CHST15: variants seen among roughly 807,000 people sequenced by gnomAD.
CHST15 encodes the protein B cell RAG associated protein (GALNAC4S-6ST).
A neutral mutation model predicts 53.6 loss-of-function variants in CHST15; 30 were observed. That is an observed-to-expected ratio of 0.56 (90% CI 0.42 to 0.76). The LOEUF (loss-of-function observed/expected upper bound fraction) is 0.76. CHST15 is among the 30% of genes least tolerant of loss of function. CHST15 has a pLI of 0.00. For missense variants in CHST15, 627 were observed against 740.5 expected, an observed-to-expected ratio of 0.85 and a Z score of 1.78; for synonymous variants, 296 against 289.8, an observed-to-expected ratio of 1.02 and a Z score of -0.22.
At chr10:124,030,083 A>C (rs910556771) in intron 5 of CHST15, among the ~76,000 whole-genome samples, 1 of 152,200 alleles carries the variant, frequency 6.6e-6, no homozygotes, top group Non-Finnish European at 1.5e-5. Context: ...AGTGTTCAGC[A>C]CTTGGGAGTT....
intron 1 of CHST15, among the ~76,000 whole-genome samples, chr10:124,083,504 C>T (rs1244745134): frequency 4.0e-5 from 6 of 151,850 alleles, no homozygotes; most frequent in South Asian, 2.1e-4. Context: ...TTTTCTTTTC[C>T]TTTTTTTTGC....
At chr10:124,075,306 T>G (rs372369025) in intron 1 of CHST15, among the ~76,000 whole-genome samples, 136 of 152,308 alleles carry the variant, frequency 8.9e-4, no homozygotes, top group African/African-American at 3.1e-3. Context: ...TGAGGCTCCA[T>G]GGGAGTAGCT....
intron 6 of CHST15, among the ~76,000 whole-genome samples, chr10:124,016,050 G>A (rs1946575512): frequency 6.6e-6 from 1 of 152,194 alleles, no homozygotes; most frequent in Non-Finnish European, 1.5e-5. Context: ...TTGCATTTCT[G>A]ACAAGTTCCC....
At chr10:124,061,362 G>A (rs1212932945) in intron 1 of CHST15, among the ~76,000 whole-genome samples, 1 of 152,208 alleles carries the variant, frequency 6.6e-6, no homozygotes, top group Non-Finnish European at 1.5e-5. Context: ...TTTATCGGGG[G>A]TTTCCGCTTT....
chr10:124,019,996 C>T lies in CHST15; in HGVS notation c.1347+1260G>A. The T allele has an allele frequency of 1.0e-6, 1 of 985,638 alleles. No homozygotes were observed. Among genetic ancestry groups the T allele is most frequent in the Non-Finnish European group, 1.2e-6 (1 of 830,086 alleles). 61.1% of individuals were successfully genotyped at this position (985,638 alleles called of 1,614,324 possible). ...GCACAGACATTCCCTCTCCTAAGAA[C>T]CTGCCTGAAGCCCCGTTCTCAGGTG... is the stretch of plus-strand genomic sequence containing the variant. On this transcript the variant is annotated intron_variant, in intron 6 of 7. Transcript: ENST00000435907. This position sits in a 1 kb window ranked among gnomAD's most constrained non-coding sequence, Gnocchi z 4.6.
chr10:124,032,394 G>A (rs533596811), intron 5 of CHST15, among the ~76,000 whole-genome samples: 2 of 152,080 alleles, frequency 1.3e-5, no homozygotes, highest in African/African-American at 4.8e-5. Context: ...CTTAACAGAT[G>A]GTACATGACC....
At chr10:124,039,589 T>C (rs901213322) in intron 4 of CHST15, among the ~76,000 whole-genome samples, 1 of 152,234 alleles carries the variant, frequency 6.6e-6, no homozygotes, top group Non-Finnish European at 1.5e-5. Flanking sequence ...GAACGGGAAC[T>C]GGGTCCCAGC....
In CHST15 at chr10:124,008,088, A is replaced by C; in HGVS notation, c.*2061T>G. 1 of 1,232,040 alleles carries C rather than the reference A, an allele frequency of 8.1e-7. No homozygotes were observed. Among genetic ancestry groups the C allele is most frequent in the South Asian group, 4.1e-5 (1 of 24,250 alleles). 76.3% of individuals were successfully genotyped at this position (1,232,040 alleles called of 1,614,324 possible). On this transcript the variant is annotated 3_prime_UTR_variant, in exon 8 of 8. Transcript: ENST00000435907. ...AAAGATCCGCATAATAAACCAAATA[A>C]TATTGGAAATAATACCTTCAGTAAT...
chr10:124,021,239 G>GT lies in CHST15; in HGVS notation c.1347+16_1347+17insA, dbSNP rs1554903164. 1.2e-5 allele frequency: 18 copies of GT among 1,441,678 alleles called. 1 individual carries two copies. The African/African-American group carries it at 1.8e-4, about 14-fold the overall frequency. The allele number at this position is 1,441,678 out of a possible 1,614,324, so 89.3% of individuals were successfully genotyped here. A position where few individuals can be genotyped will look rare whatever the true frequency, so the allele number is the denominator to read the frequency against. On this transcript the variant is annotated intron_variant, in intron 6 of 7. Coordinates refer to ENST00000435907, the MANE Select transcript of CHST15 (RefSeq NM_001270764.2). ...CCAGGGGCCAGCTCGGGGGGTACGG[G>GT]GGGGGGGGGTACACACAGGCATGGC... is the stretch of plus-strand genomic sequence containing the variant.
At chr10:124,073,093 C>G (rs1217034085) in intron 1 of CHST15, among the ~76,000 whole-genome samples, 1 of 152,208 alleles carries the variant, frequency 6.6e-6, no homozygotes, top group East Asian at 1.9e-4. Context: ...CCAAAGACCA[C>G]AATTCCAATC....
At chr10:124,042,949 C>T (rs1252611977) in intron 3 of CHST15, among the ~76,000 whole-genome samples, 1 of 152,116 alleles carries the variant, frequency 6.6e-6, no homozygotes, top group Non-Finnish European at 1.5e-5. Context: ...CTGATGTTCT[C>T]TCTCCTCCCC....
intron 5 of CHST15, among the ~76,000 whole-genome samples, chr10:124,035,840 C>T (rs895160187): frequency 6.6e-6 from 1 of 152,226 alleles, no homozygotes; most frequent in Non-Finnish European, 1.5e-5. Flanking sequence ...CACTCTGGAG[C>T]CCCACTCTCC....
At chr10:124,056,580 G>T (rs1331939221) in intron 1 of CHST15, among the ~76,000 whole-genome samples, 1 of 152,208 alleles carries the variant, frequency 6.6e-6, no homozygotes, top group Non-Finnish European at 1.5e-5. Flanking sequence ...GGCGGGCAGG[G>T]GCAGGGGAGG....
intron 6 of CHST15, chr10:124,020,184 C>G: frequency 3.0e-6 from 3 of 985,590 alleles, no homozygotes; most frequent in Non-Finnish European, 3.6e-6. Context: ...GCAAGACAGA[C>G]CCATCACAAC....
Position 124,038,568 on chromosome 10 carries a change from GTGGA to G in CHST15, c.1133_1136del (p.Ile378ThrfsTer9). 6.2e-7 allele frequency: 1 copy of G among 1,614,204 alleles called. No individual in the cohort carries two copies. The highest frequency in any genetic ancestry group is 8.5e-7 in the Non-Finnish European group (1 of 1,180,032). Reference sequence around the variant, plus strand: ...TCAGTCTGGCATTTGGCTGAAAGGCGTGGATGAAGTCCTGCGTCAGAAACGGTGG... The same window carrying G: ...TCAGTCTGGCATTTGGCTGAAAGGCGTGAAGTCCTGCGTCAGAAACGGTGG... On this transcript the variant is annotated frameshift_variant, in exon 5 of 8. Coordinates refer to ENST00000435907, the MANE Select transcript of CHST15 (RefSeq NM_001270764.2). LOFTEE classifies it high-confidence loss of function.
intron 5 of CHST15, among the ~76,000 whole-genome samples, chr10:124,030,563 C>G (rs897553358): frequency 6.6e-6 from 1 of 152,168 alleles, no homozygotes; most frequent in Non-Finnish European, 1.5e-5. Context: ...CTCCTCATTC[C>G]GTCTCTTCTC....
In CHST15 at chr10:124,074,061, A is replaced by C. The variant is rs1187211725; in HGVS notation, c.-513+19408T>G. Among the ~76,000 whole-genome samples the C allele has an allele frequency of 6.6e-6, 1 of 152,160 alleles. No individual in the cohort carries two copies. The highest frequency in any genetic ancestry group is 1.5e-5 in the Non-Finnish European group (1 of 68,030). The stretch of plus-strand genomic sequence containing the variant: ...GGGGGCTTTAAAAGAGATATTTTCC[A>C]CATAGTCTTTTTAGCCTCTTTCCAT... On this transcript the variant is annotated intron_variant, in intron 1 of 7. Transcript: ENST00000435907. The surrounding 1 kb of genome is among the most constrained non-coding windows in gnomAD (Gnocchi z 4.4).
At position 124,008,982 on chromosome 10, in the gene CHST15, C is replaced by T. The variant is rs971349926; in HGVS notation, c.*1167G>A. On this transcript the variant is annotated 3_prime_UTR_variant, in exon 8 of 8. Coordinates refer to ENST00000435907, the MANE Select transcript of CHST15 (RefSeq NM_001270764.2). Reference sequence around the variant, plus strand: ...AGAAACCTCATTCCAAATCTCAACACGCCACGTTCAGCCCAAGTTCAGCTT... The same window carrying T: ...AGAAACCTCATTCCAAATCTCAACATGCCACGTTCAGCCCAAGTTCAGCTT... The T allele has an allele frequency of 7.8e-6, 10 of 1,289,044 alleles. No homozygotes were observed. The highest frequency in any genetic ancestry group is 1.5e-5 in the African/African-American group (1 of 65,846). The allele number at this position is 1,289,044 out of a possible 1,614,324, so 79.9% of individuals were successfully genotyped here.
intron 6 of CHST15, among the ~76,000 whole-genome samples, chr10:124,013,129 C>T (rs1030265487): frequency 2.2e-4 from 30 of 135,888 alleles, no homozygotes; most frequent in African/African-American, 9.0e-4. Context: ...AGAGAGAACT[C>T]GGGCCTTTCC....
Sources: gnomAD v4.1 joint callset for allele counts (sites outside exome capture counted in the v4.1 genomes callset) on GRCh38, gnomAD v4.1.1 for gene constraint, Gnocchi (gnomAD v3.1) non-coding constraint, MANE v1.5 for transcripts, NCBI Gene and HGNC (gene_info 2026-07-23, HGNC 2026-07-21) for gene names.